The following CPNE5 variants were observed in gnomAD, a reference collection of about 807,000 sequenced individuals.
CPNE5 encodes the protein copine-5.
Under a neutral mutation model 81.1 loss-of-function variants are expected in CPNE5, and 42 were observed. That is an observed-to-expected ratio of 0.52 (90% CI 0.40 to 0.67). The LOEUF (loss-of-function observed/expected upper bound fraction) is 0.67. Ranked by LOEUF, CPNE5 falls within the 30% of genes least tolerant of loss-of-function variation. The probability of loss-of-function intolerance (pLI) is 0.00; values close to 1 mark genes in which losing one functional copy is unlikely to be tolerated. For missense variants in CPNE5, 612 were observed against 815.5 expected, an observed-to-expected ratio of 0.75 and a Z score of 3.04; for synonymous variants, 313 against 321.5, an observed-to-expected ratio of 0.97 and a Z score of 0.28.
chr6:36,785,429 A>T (rs1027804089), intron 8 of CPNE5, among the ~76,000 whole-genome samples: 10 of 152,208 alleles, frequency 6.6e-5, no homozygotes, highest in African/African-American at 9.7e-5. Flanking sequence ...GAATATCAAA[A>T]TTTTAAATGA....
intron 14 of CPNE5, among the ~76,000 whole-genome samples, chr6:36,748,492 C>G (rs1764439355): frequency 6.6e-6 from 1 of 152,176 alleles, no homozygotes; most frequent in Non-Finnish European, 1.5e-5. Context: ...AGTAGGAAAG[C>G]TCTTTGAAGA....
chr6:36,744,125 G>A (rs1763848286), intron 19 of CPNE5, 143 bp downstream of exon 19: 1 of 748,374 alleles, frequency 1.3e-6, no homozygotes, highest in East Asian at 2.7e-5. Context: ...CACTCACCCA[G>A]ACACACACGC....
chr6:36,792,070 G>A lies in CPNE5; in HGVS notation c.491C>T (p.Thr164Ile), dbSNP rs750300385. ...NGGVPGKKCGTIILSAEELSN... is the reference protein window; with the variant it reads ...NGGVPGKKCGIIILSAEELSN... Reference sequence around the variant, plus strand: ...GAGCTCCTCAGCGGACAGGATGATGGTGCCACATTTCTTTCCTGGGACACC... The same window carrying A: ...GAGCTCCTCAGCGGACAGGATGATGATGCCACATTTCTTTCCTGGGACACC... The change falls in exon 8 of 21, where the codon ACC (threonine) becomes ATC (isoleucine). Residue 164 changes from threonine (T) to isoleucine (I), a missense_variant. Thr to Ile is a moderately conservative substitution (Grantham distance 89, BLOSUM62 -1). Coordinates refer to ENST00000244751, the MANE Select transcript of CPNE5 (RefSeq NM_020939.2). 33 of 1,614,098 alleles carry A rather than the reference G, an allele frequency of 2.0e-5. No individual in the cohort carries two copies. Among genetic ancestry groups the A allele is most frequent in the Admixed American group, 5.0e-5 (3 of 60,024 alleles).
chr6:36,745,416 A>G lies in CPNE5; in HGVS notation c.1300T>C (p.Phe434Leu). ...GCCACGTGGGTGACCACGGGGGCAA[A>G]GTTGGTGGGGCCGTACAGCTGCACA... The part of the protein sequence containing the change: ...RTVQLYGPTN[F>L]APVVTHVARN... Residue 434 changes from phenylalanine to leucine, a missense_variant, in exon 17 of 21, where the codon TTT (phenylalanine) becomes CTT (leucine). Coordinates refer to ENST00000244751, the MANE Select transcript of CPNE5 (RefSeq NM_020939.2). 1.9e-6 allele frequency: 3 copies of G among 1,607,644 alleles called. No individual in the cohort carries two copies. Among genetic ancestry groups the G allele is most frequent in the Non-Finnish European group, 2.5e-6 (3 of 1,177,764 alleles).
chr6:36,805,626 G>A (rs1198733255), intron 3 of CPNE5, among the ~76,000 whole-genome samples: 1 of 152,140 alleles, frequency 6.6e-6, no homozygotes, highest in African/African-American at 2.4e-5. Context: ...TGACAGGGGA[G>A]GTGACAGGGG....
rs1226148948 is a variant in CPNE5, at chr6:36,756,073, C to A, written c.909+172G>T. 2.3e-5 allele frequency: 14 copies of A among 607,024 alleles called. No individual in the cohort carries two copies. In the Admixed American group the frequency reaches 2.3e-4, roughly 10 times the overall value. 37.6% of individuals were successfully genotyped at this position (607,024 alleles called of 1,614,324 possible). A position where few individuals can be genotyped will look rare whatever the true frequency, so the allele number is the denominator to read the frequency against. On this transcript the variant is annotated intron_variant, in intron 13 of 20. Coordinates refer to ENST00000244751, the MANE Select transcript of CPNE5 (RefSeq NM_020939.2). ...GTGTGGTCTGCAAGTCAACTCTCTC[C>A]CCTGGCTGTTGCTCCATCTGCCCCA... is the stretch of plus-strand genomic sequence containing the variant.
At chr6:36,770,408 A>T (rs1232523782) in intron 10 of CPNE5, among the ~76,000 whole-genome samples, 9 of 152,242 alleles carry the variant, frequency 5.9e-5, no homozygotes, top group Admixed American at 5.9e-4. Flanking sequence ...TAACGCATTT[A>T]AACCAATTAG....
intron 8 of CPNE5, among the ~76,000 whole-genome samples, chr6:36,784,168 TG>T (rs1207434440): frequency 6.6e-6 from 1 of 152,190 alleles, no homozygotes; most frequent in Non-Finnish European, 1.5e-5. Flanking sequence ...GAGGCATTGC[TG>T]GGGGGTTGGC....
intron 9 of CPNE5, among the ~76,000 whole-genome samples, chr6:36,777,913 C>A (rs1257037656): frequency 6.6e-6 from 1 of 152,066 alleles, no homozygotes; most frequent in Non-Finnish European, 1.5e-5. Context: ...GCTTCCCCCA[C>A]CCCCATGGCA....
chr6:36,763,908 C>A (rs1291199012), intron 11 of CPNE5, among the ~76,000 whole-genome samples: 2 of 152,182 alleles, frequency 1.3e-5, no homozygotes, highest in Non-Finnish European at 2.9e-5. Flanking sequence ...GTGCCCACAC[C>A]TTCTGGAGTG....
At chr6:36,821,588 G>T (rs1772055968) in intron 3 of CPNE5, among the ~76,000 whole-genome samples, 1 of 152,174 alleles carries the variant, frequency 6.6e-6, no homozygotes, top group Admixed American at 6.5e-5. Context: ...GACTGGAAAT[G>T]AGATGAGGCT....
intron 8 of CPNE5, among the ~76,000 whole-genome samples, chr6:36,785,938 G>A (rs1336520771): frequency 2.0e-5 from 3 of 150,516 alleles, no homozygotes; most frequent in African/African-American, 4.9e-5. Context: ...GCTTGAACCC[G>A]GGAGGAGGAG....
chr6:36,764,523 G>C (rs1766369340), intron 11 of CPNE5, among the ~76,000 whole-genome samples: 1 of 152,142 alleles, frequency 6.6e-6, no homozygotes, highest in Admixed American at 6.5e-5. Context: ...TCACTCCTTG[G>C]TAGTGCCACA....
chr6:36,753,868 G>T (rs993648909), intron 13 of CPNE5, among the ~76,000 whole-genome samples: 10 of 152,250 alleles, frequency 6.6e-5, no homozygotes, highest in African/African-American at 2.2e-4. Flanking sequence ...CAAGATTAGG[G>T]CAGAGGACCT....
At chr6:36,794,248 C>T (rs1639743316) in intron 7 of CPNE5, among the ~76,000 whole-genome samples, 1 of 151,626 alleles carries the variant, frequency 6.6e-6, no homozygotes, top group South Asian at 2.1e-4. Context: ...AGAAGCCAGG[C>T]CAGGGAGAGA....
At chr6:36,777,762 CCCA>C (rs1405324390) in intron 9 of CPNE5, among the ~76,000 whole-genome samples, 1 of 17,422 alleles carries the variant, frequency 5.7e-5, no homozygotes, top group Non-Finnish European at 1.7e-4. Flanking sequence ...TACCCCCCCC[CCCA>C]CCACACACAC....
At chr6:36,797,296 C>T (rs1769676650) in intron 6 of CPNE5, among the ~76,000 whole-genome samples, 1 of 152,262 alleles carries the variant, frequency 6.6e-6, no homozygotes. Flanking sequence ...GCCGCTTTGC[C>T]CTGTGGCCTG....
At chr6:36,743,931 G>A (rs182269795) in intron 19 of CPNE5, among the ~76,000 whole-genome samples, 169 bp from the exon 20 acceptor site, 178 of 152,342 alleles carry the variant, frequency 1.2e-3, no homozygotes, top group African/African-American at 4.1e-3. Context: ...GGAGGAGCCC[G>A]ATCAGGTGAG....
chr6:36,744,507 C>A (rs1000114093), intron 18 of CPNE5, 182 bp from the exon 19 acceptor site: 1 of 613,120 alleles, frequency 1.6e-6, no homozygotes, highest in Admixed American at 2.7e-5. Flanking sequence ...AGATAAAGAG[C>A]AAAGGAAACC....
Sources: gnomAD v4.1 joint callset for allele counts (sites outside exome capture counted in the v4.1 genomes callset) on GRCh38, gnomAD v4.1.1 for gene constraint, MANE v1.5 for transcripts, NCBI Gene and HGNC (gene_info 2026-07-23, HGNC 2026-07-21) for gene names.